CNIH3: variants seen among roughly 807,000 people sequenced by gnomAD.
The protein encoded by CNIH3 is cornichon family AMPA receptor auxiliary protein 3.
CNIH3 carries 14 observed loss-of-function variants against 24.1 expected under a neutral mutation model. That is an observed-to-expected ratio of 0.58 (90% CI 0.38 to 0.91). The LOEUF is 0.91. CNIH3 is among the 40% of genes least tolerant of loss of function. The probability of loss-of-function intolerance (pLI) is 0.00; values close to 1 mark genes in which losing one functional copy is unlikely to be tolerated. For synonymous variants in CNIH3, 68 were observed against 73.8 expected, an observed-to-expected ratio of 0.92 and a Z score of 0.40; for missense variants, 178 against 196.8, an observed-to-expected ratio of 0.90 and a Z score of 0.57.
At chr1:224,690,055 G>T (rs1235012809) in intron 3 of CNIH3, among the ~76,000 whole-genome samples, 3 of 152,266 alleles carry the variant, frequency 2.0e-5, no homozygotes, top group Admixed American at 2.0e-4. Flanking sequence ...CAAGTTTAGC[G>T]AGTGGTTCGA....
At chr1:224,654,080 A>T (rs931850359) in intron 1 of CNIH3, among the ~76,000 whole-genome samples, 4 of 128,884 alleles carry the variant, frequency 3.1e-5, no homozygotes, top group African/African-American at 7.9e-5. Flanking sequence ...GACCCTGTTT[A>T]AAAAAAAAAA....
At chr1:224,515,552 T>G (rs757796734), upstream of CNIH3, among the ~76,000 whole-genome samples, 52 of 152,244 alleles carry the variant, frequency 3.4e-4, no homozygotes, top group Non-Finnish European at 8.8e-5. Flanking sequence ...TATATTGTCT[T>G]GTTTGCCCTT....
chr1:224,499,773 G>C (rs1172132603), intron 1 of CNIH3, among the ~76,000 whole-genome samples: 2 of 151,850 alleles, frequency 1.3e-5, no homozygotes, highest in African/African-American at 4.8e-5. Context: ...AAGAAGTCTA[G>C]AGTCAGCTGA....
intron 3 of CNIH3, among the ~76,000 whole-genome samples, chr1:224,610,051 C>G (rs554361207): frequency 1.3e-5 from 2 of 152,132 alleles, no homozygotes; most frequent in Non-Finnish European, 2.9e-5. Context: ...ACTTTTGGTA[C>G]AGCATTTAAT....
At chr1:224,556,975 T>C (rs1680164770) in intron 3 of CNIH3, among the ~76,000 whole-genome samples, 1 of 152,196 alleles carries the variant, frequency 6.6e-6, no homozygotes, top group Non-Finnish European at 1.5e-5. Context: ...TCAGGCTCTC[T>C]GAGCAGCCTT....
In CNIH3 at chr1:224,739,479, C is replaced by G; in HGVS notation, c.*123C>G. 6.5e-7 allele frequency: 1 copy of G among 1,534,958 alleles called. No individual in the cohort carries two copies. Among genetic ancestry groups the G allele is most frequent in the Non-Finnish European group, 8.8e-7 (1 of 1,139,274 alleles). ...ATACGTGAGAAATAGACCCGGCAGG[C>G]AGTCAGACTGAATGGGAGCTGGAAT... is the stretch of plus-strand genomic sequence containing the variant. On this transcript the variant is annotated 3_prime_UTR_variant, in exon 6 of 6. Coordinates refer to ENST00000272133, the MANE Select transcript of CNIH3 (RefSeq NM_152495.2).
At chr1:224,641,259 G>T (rs1273883087) in intron 1 of CNIH3, among the ~76,000 whole-genome samples, 1 of 152,210 alleles carries the variant, frequency 6.6e-6, no homozygotes, top group African/African-American at 2.4e-5. Flanking sequence ...GAGGGGAAGA[G>T]AAGTTTCCCT....
At chr1:224,452,954 C>G (rs1376495747) in intron 1 of CNIH3, among the ~76,000 whole-genome samples, 2 of 150,972 alleles carry the variant, frequency 1.3e-5, no homozygotes, top group Non-Finnish European at 2.9e-5. Flanking sequence ...AACCCCGTCT[C>G]TACTAAAAAT....
At chr1:224,449,186 G>A (rs1207624394) in intron 1 of CNIH3, among the ~76,000 whole-genome samples, 2 of 151,622 alleles carry the variant, frequency 1.3e-5, no homozygotes, top group African/African-American at 4.8e-5. Flanking sequence ...GGATGGTCTC[G>A]ATCTCTTGAC....
chr1:224,646,467 A>G (rs1349711553), intron 1 of CNIH3, among the ~76,000 whole-genome samples: 1 of 152,150 alleles, frequency 6.6e-6, no homozygotes, highest in African/African-American at 2.4e-5. Context: ...GTGCAGTGGC[A>G]CAGTCGTGGC....
upstream of CNIH3, among the ~76,000 whole-genome samples, chr1:224,515,309 A>G (rs1240556076): frequency 6.6e-6 from 1 of 152,222 alleles, no homozygotes; most frequent in Non-Finnish European, 1.5e-5. Flanking sequence ...CCAATATATT[A>G]TGCTCATTGT....
At chr1:224,514,456 C>G (rs955902953), upstream of CNIH3, among the ~76,000 whole-genome samples, 1 of 152,280 alleles carries the variant, frequency 6.6e-6, no homozygotes. Flanking sequence ...TCCTGTAAAA[C>G]TTACATAAGT....
intron 1 of CNIH3, among the ~76,000 whole-genome samples, chr1:224,680,085 A>G (rs1406184016): frequency 6.6e-6 from 1 of 152,188 alleles, no homozygotes; most frequent in Non-Finnish European, 1.5e-5. Flanking sequence ...CTGGGATTAC[A>G]GGCGGTCATG....
downstream of CNIH3, among the ~76,000 whole-genome samples, chr1:224,590,182 C>T (rs1681691186): frequency 6.6e-6 from 1 of 152,204 alleles, no homozygotes; most frequent in South Asian, 2.1e-4. Flanking sequence ...CTGATATCCA[C>T]TTTTAAATGC....
intron 3 of CNIH3, among the ~76,000 whole-genome samples, chr1:224,686,011 C>CT (rs562065337): frequency 1.2e-4 from 18 of 148,950 alleles, no homozygotes; most frequent in East Asian, 2.0e-4. Flanking sequence ...GCCAGTACTA[C>CT]TTTTTTTTTT....
intron 1 of CNIH3, among the ~76,000 whole-genome samples, chr1:224,669,714 A>T (rs1290966312): frequency 6.6e-6 from 1 of 152,212 alleles, no homozygotes; most frequent in Non-Finnish European, 1.5e-5. Context: ...CGTGCTAGGC[A>T]TTGTGCCCGG....
At chr1:224,485,489 C>T (rs1308743460) in intron 1 of CNIH3, among the ~76,000 whole-genome samples, 2 of 151,988 alleles carry the variant, frequency 1.3e-5, no homozygotes, top group African/African-American at 4.8e-5. Context: ...CTCACCCCAC[C>T]ACCGCCCCCC....
chr1:224,579,460 G>A (rs1350091297), intron 4 of CNIH3, among the ~76,000 whole-genome samples: 2 of 152,136 alleles, frequency 1.3e-5, no homozygotes, highest in East Asian at 1.9e-4. Context: ...GTATCTCTAG[G>A]TCATTTGTAT....
At chr1:224,732,256 G>A (rs1162807433) in intron 4 of CNIH3, among the ~76,000 whole-genome samples, 1 of 152,186 alleles carries the variant, frequency 6.6e-6, no homozygotes, top group Non-Finnish European at 1.5e-5. Context: ...ATAATTGGGT[G>A]CAGGTGAGGG....
Sources: allele counts gnomAD v4.1 joint callset (sites outside exome capture counted in the v4.1 genomes callset), GRCh38; gene constraint gnomAD v4.1.1; transcripts MANE v1.5; gene names NCBI Gene and HGNC (gene_info 2026-07-23, HGNC 2026-07-21).